The following ATXN3 variants were observed in gnomAD, a reference collection of about 807,000 sequenced individuals.
ATXN3 encodes the protein ataxin 3.
In ATXN3, 28 loss-of-function variants were observed where a neutral mutation model predicts 58.2. The ratio of observed to expected loss-of-function variants is 0.48; its 90% CI spans 0.36 to 0.66. The LOEUF is 0.66. Ranked by LOEUF, ATXN3 falls within the 30% of genes least tolerant of loss-of-function variation. The pLI is 0.00. For missense variants in ATXN3, 321 were observed against 422.1 expected, an observed-to-expected ratio of 0.76 and a Z score of 2.10; for synonymous variants, 113 against 138.5, an observed-to-expected ratio of 0.82 and a Z score of 1.29.
At chr14:92,050,219 CAAG>C (rs2057443552), upstream of ATXN3, 1 of 151,656 alleles carries the variant, frequency 6.6e-6, no homozygotes, top group African/African-American at 2.4e-5. Flanking sequence ...ATAGGTGAAA[CAAG>C]AATTGTCAGG....
downstream of ATXN3, among the ~76,000 whole-genome samples, chr14:92,054,705 G>T (rs1046536571): frequency 1.3e-5 from 2 of 152,006 alleles, no homozygotes; most frequent in Non-Finnish European, 2.9e-5. Flanking sequence ...CTGAATTCAA[G>T]AACCCTCTCT....
intron 5 of ATXN3, among the ~76,000 whole-genome samples, chr14:92,090,094 G>A (rs1405792511): frequency 6.6e-6 from 1 of 152,118 alleles, no homozygotes; most frequent in African/African-American, 2.4e-5. Context: ...TTTTTAAAAA[G>A]CACTATCACA....
In ATXN3 at chr14:92,105,285, A is replaced by G. The variant is rs377358074; in HGVS notation, c.24+1244T>C. ...AAAAACATTACCTGGCCCTGGCGAT[A>G]TGCACCTGTAGTCCCAGCTACTCTG... On this transcript the variant is annotated intron_variant, in intron 1 of 10. Transcript: ENST00000644486. 2.6e-5 allele frequency among the ~76,000 whole-genome samples: 4 copies of G among 152,054 alleles called. No homozygotes were observed. The East Asian group carries it at 7.7e-4, about 29-fold the overall frequency.
At chr14:92,101,423 G>A (rs1566988995) in intron 1 of ATXN3, among the ~76,000 whole-genome samples, 1 of 152,172 alleles carries the variant, frequency 6.6e-6, no homozygotes. Flanking sequence ...CAAAAGAATT[G>A]TACAATGACA....
intron 1 of ATXN3, among the ~76,000 whole-genome samples, chr14:92,100,455 A>G (rs977130860): frequency 2.0e-5 from 3 of 152,128 alleles, no homozygotes; most frequent in African/African-American, 7.2e-5. Context: ...GATAGCTGGG[A>G]TCACAGTAGA....
At chr14:92,082,060 G>A (rs898515667) in intron 8 of ATXN3, among the ~76,000 whole-genome samples, 1 of 152,214 alleles carries the variant, frequency 6.6e-6, no homozygotes, top group African/African-American at 2.4e-5. Context: ...TATTGTGTTA[G>A]TACAGTGTTG....
chr14:92,100,386 T>G (rs1252144550), intron 1 of ATXN3, among the ~76,000 whole-genome samples: 7 of 152,022 alleles, frequency 4.6e-5, no homozygotes, highest in African/African-American at 1.7e-4. Flanking sequence ...TAATACAAAA[T>G]AGCATTACAG....
At chr14:92,077,352 CT>C (rs111249502) in intron 9 of ATXN3, among the ~76,000 whole-genome samples, 42,781 of 147,214 alleles carry the variant, frequency 0.29, 6,414 homozygotes, top group East Asian at 0.45. Context: ...AGTATGCTTT[CT>C]TTTTTTTTTT....
At chr14:92,081,235 G>A (rs545809463) in intron 8 of ATXN3, among the ~76,000 whole-genome samples, 174 bp from the exon 9 acceptor site, 3 of 152,150 alleles carry the variant, frequency 2.0e-5, no homozygotes, top group South Asian at 2.1e-4. Context: ...ACTTTGGGAG[G>A]CCAAGGCAGG....
intron 1 of ATXN3, among the ~76,000 whole-genome samples, chr14:92,100,758 G>T (rs957023193): frequency 6.6e-6 from 1 of 152,128 alleles, no homozygotes; most frequent in African/African-American, 2.4e-5. Flanking sequence ...GGGAATAATG[G>T]GAGGTTATAG....
At chr14:92,073,095 A>G (rs1478437671) in intron 9 of ATXN3, among the ~76,000 whole-genome samples, 1 of 152,240 alleles carries the variant, frequency 6.6e-6, no homozygotes, top group Non-Finnish European at 1.5e-5. Flanking sequence ...CTATCACTCC[A>G]TGCCCTCTGC....
chr14:92,078,214 C>T (rs1233310636), intron 9 of ATXN3, among the ~76,000 whole-genome samples: 1 of 151,958 alleles, frequency 6.6e-6, no homozygotes, highest in African/African-American at 2.4e-5. Flanking sequence ...ACCCTCCTGA[C>T]CTCAGGTGAT....
At chr14:92,100,435 G>A (rs755478106) in intron 1 of ATXN3, among the ~76,000 whole-genome samples, 10 of 151,788 alleles carry the variant, frequency 6.6e-5, no homozygotes, top group Non-Finnish European at 7.4e-5. Flanking sequence ...AACTGGAAAC[G>A]ACCCAAATGG....
At chr14:92,092,854 AAT>A (rs202247493) in intron 5 of ATXN3, among the ~76,000 whole-genome samples, 5 of 134,452 alleles carry the variant, frequency 3.7e-5, no homozygotes, top group South Asian at 2.5e-4. Flanking sequence ...TTAATTTTTA[AAT>A]ATATTTTTTT....
intron 1 of ATXN3, among the ~76,000 whole-genome samples, chr14:92,103,440 C>T (rs1248153228): frequency 6.6e-6 from 1 of 152,144 alleles, no homozygotes; most frequent in Non-Finnish European, 1.5e-5. Flanking sequence ...CAAATATATA[C>T]ATTTTTTTCT....
At chr14:92,082,114 A>G (rs2295176) in intron 8 of ATXN3, among the ~76,000 whole-genome samples, 186 bp downstream of exon 8, 41,971 of 152,116 alleles carry the variant, frequency 0.28, 6,073 homozygotes, top group East Asian at 0.44. Flanking sequence ...ACTACTCCTA[A>G]TAAAATATAG....
chr14:92,067,037 T>C (rs1381743830), intron 10 of ATXN3, among the ~76,000 whole-genome samples: 1 of 152,134 alleles, frequency 6.6e-6, no homozygotes, highest in African/African-American at 2.4e-5. Flanking sequence ...CCAAAAGTGC[T>C]GGGATTACAG....
intron 9 of ATXN3, among the ~76,000 whole-genome samples, chr14:92,074,489 G>A (rs770030225): frequency 2.0e-5 from 3 of 152,192 alleles, no homozygotes; most frequent in Non-Finnish European, 4.4e-5. Flanking sequence ...CTAGGCAATT[G>A]TGGTGGCAGC....
chr14:92,082,216 G>A (rs990401293), intron 8 of ATXN3, 84 bp downstream of exon 8: 1 of 1,441,300 alleles, frequency 6.9e-7, no homozygotes. Context: ...ACACCTCTAA[G>A]AGTACATTAA....
Sources: gnomAD v4.1 joint callset for allele counts (sites outside exome capture counted in the v4.1 genomes callset) on GRCh38, gnomAD v4.1.1 for gene constraint, MANE v1.5 for transcripts, NCBI Gene and HGNC (gene_info 2026-07-23, HGNC 2026-07-21) for gene names.